The following PPP1R1C variants were observed in gnomAD, a reference collection of about 807,000 sequenced individuals.
The protein encoded by PPP1R1C is protein phosphatase 1 regulatory inhibitor subunit 1C, also known as protein phosphatase 1 regulatory subunit 1C.
In PPP1R1C, 15 loss-of-function variants were observed where a neutral mutation model predicts 17.4. That is an observed-to-expected ratio of 0.86 (90% CI 0.58 to 1.33). PPP1R1C has a LOEUF of 1.33. Ranked by LOEUF, PPP1R1C falls within the 40% of genes most tolerant of loss-of-function variation. PPP1R1C has a pLI of 0.00. For synonymous variants in PPP1R1C, 35 were observed against 43.1 expected (o/e 0.81, Z 0.73); for missense variants, 143 against 130.0 (o/e 1.10, Z -0.48).
chr2:182,044,088 C>T (rs1687270164), intron 2 of PPP1R1C, among the ~76,000 whole-genome samples: 1 of 152,186 alleles, frequency 6.6e-6, no homozygotes, highest in South Asian at 2.1e-4. Flanking sequence ...TCTTAAGCAT[C>T]TCTCTCACCT....
chr2:181,985,140 C>A (rs1685265575), upstream of PPP1R1C, among the ~76,000 whole-genome samples: 1 of 152,192 alleles, frequency 6.6e-6, no homozygotes, highest in Non-Finnish European at 1.5e-5. The surrounding 1 kb of genome is among the most constrained non-coding windows in gnomAD (Gnocchi z 4.1). Flanking sequence ...GTAACTGGCT[C>A]CACCAGGAAA....
intron 2 of PPP1R1C, among the ~76,000 whole-genome samples, chr2:182,037,658 C>A (rs533884938): frequency 5.9e-5 from 9 of 151,594 alleles, no homozygotes; most frequent in Non-Finnish European, 1.2e-4. Context: ...TTGATGGCAA[C>A]CTATAAAGAT....
At chr2:182,090,509 C>A (rs1170517070) in intron 4 of PPP1R1C, among the ~76,000 whole-genome samples, 2 of 152,110 alleles carry the variant, frequency 1.3e-5, no homozygotes, top group African/African-American at 2.4e-5. Context: ...ACAAGAATTT[C>A]TTTCTGCTAC....
At chr2:182,077,195 C>T (rs1353015770) in intron 4 of PPP1R1C, among the ~76,000 whole-genome samples, 6 of 150,962 alleles carry the variant, frequency 4.0e-5, no homozygotes, top group South Asian at 4.2e-4. Flanking sequence ...TTTCAAGTTT[C>T]AGATATGTAA....
exon 6 of PPP1R1C, chr2:182,129,712 C>T (rs1689961242): frequency 6.6e-6 from 1 of 152,110 alleles, no homozygotes; most frequent in African/African-American, 2.4e-5. Flanking sequence ...CCAACAAACG[C>T]TTCCACTAAC....
At chr2:182,076,280 T>C (rs1688308405) in intron 4 of PPP1R1C, among the ~76,000 whole-genome samples, 1 of 128,326 alleles carries the variant, frequency 7.8e-6, no homozygotes, top group African/African-American at 2.8e-5. Context: ...CTGCAAGCTC[T>C]GCCTCCCAGG....
At chr2:181,964,635 TA>T (rs765737635) in intron 1 of PPP1R1C, among the ~76,000 whole-genome samples, 8 of 152,216 alleles carry the variant, frequency 5.3e-5, no homozygotes, top group Non-Finnish European at 7.3e-5. Flanking sequence ...GATTTGTTAT[TA>T]TCTGTCTTTT....
chr2:182,116,604 GA>G (rs1239252696), intron 4 of PPP1R1C, among the ~76,000 whole-genome samples: 1 of 152,180 alleles, frequency 6.6e-6, no homozygotes, highest in Non-Finnish European at 1.5e-5. Context: ...AGGCTGGTGA[GA>G]AATGGTAGAG....
intron 2 of PPP1R1C, among the ~76,000 whole-genome samples, chr2:181,980,533 T>G (rs1425008717): frequency 6.6e-6 from 1 of 152,186 alleles, no homozygotes; most frequent in East Asian, 1.9e-4. Context: ...TTGAGCTGTT[T>G]CCCCAAAGTG....
chr2:181,994,291 G>A (rs1335978612), intron 2 of PPP1R1C, among the ~76,000 whole-genome samples: 1 of 151,998 alleles, frequency 6.6e-6, no homozygotes, highest in Admixed American at 6.5e-5. Context: ...TATTCCAACA[G>A]TATGTAGAAA....
At chr2:182,128,438 G>T (rs1443408523) in intron 5 of PPP1R1C, among the ~76,000 whole-genome samples, 1 of 152,020 alleles carries the variant, frequency 6.6e-6, no homozygotes, top group African/African-American at 2.4e-5. Context: ...CTGACTCTAA[G>T]ATCTGTTTCT....
intron 2 of PPP1R1C, among the ~76,000 whole-genome samples, chr2:182,020,744 A>G (rs1242968946): frequency 2.0e-5 from 3 of 152,178 alleles, no homozygotes; most frequent in African/African-American, 7.2e-5. Context: ...GAGAAAGAAA[A>G]AGAAAATACT....
downstream of PPP1R1C, among the ~76,000 whole-genome samples, chr2:182,122,650 T>C (rs1689761225): frequency 6.6e-6 from 1 of 152,034 alleles, no homozygotes. Flanking sequence ...CATATTTAAA[T>C]ATGGAAAGAT....
intron 2 of PPP1R1C, among the ~76,000 whole-genome samples, chr2:182,037,983 T>C (rs954512554): frequency 6.6e-6 from 1 of 152,058 alleles, no homozygotes; most frequent in Non-Finnish European, 1.5e-5. Flanking sequence ...TGGAGAATAA[T>C]TGGGTTATAA....
At chr2:182,095,731 C>T (rs1688914654) in intron 4 of PPP1R1C, among the ~76,000 whole-genome samples, 1 of 152,194 alleles carries the variant, frequency 6.6e-6, no homozygotes, top group Admixed American at 6.5e-5. Flanking sequence ...GTGGCTCATG[C>T]CTGTAATCCT....
At chr2:182,024,285 G>A (rs1686522748) in intron 2 of PPP1R1C, among the ~76,000 whole-genome samples, 1 of 152,250 alleles carries the variant, frequency 6.6e-6, no homozygotes, top group African/African-American at 2.4e-5. Flanking sequence ...AAATAACTAT[G>A]TTTTGGAAGA....
intron 2 of PPP1R1C, among the ~76,000 whole-genome samples, chr2:182,041,714 A>C (rs543207834): frequency 2.6e-4 from 40 of 152,256 alleles, no homozygotes; most frequent in African/African-American, 9.6e-4. Flanking sequence ...ATAAGAAAAG[A>C]AAAGCAAAAA....
At chr2:182,037,987 G>A (rs1687063650) in intron 2 of PPP1R1C, among the ~76,000 whole-genome samples, 1 of 151,788 alleles carries the variant, frequency 6.6e-6, no homozygotes, top group African/African-American at 2.4e-5. Flanking sequence ...GAATAATTGG[G>A]TTATAATATT....
chr2:182,017,891 C>A (rs1215000181), intron 2 of PPP1R1C, among the ~76,000 whole-genome samples: 7 of 152,038 alleles, frequency 4.6e-5, no homozygotes, highest in Non-Finnish European at 1.0e-4. Flanking sequence ...AGGGAAAGAT[C>A]ATACTTTTTT....
Sources: allele counts gnomAD v4.1 joint callset (sites outside exome capture counted in the v4.1 genomes callset), GRCh38; gene constraint gnomAD v4.1.1; non-coding constraint Gnocchi (gnomAD v3.1); transcripts MANE v1.5; gene names NCBI Gene and HGNC (gene_info 2026-07-23, HGNC 2026-07-21).